PARG: variants seen among roughly 807,000 people sequenced by gnomAD.
PARG encodes the protein poly(ADP-ribose) glycohydrolase, also known as mitochondrial poly(ADP-ribose) glycohydrolase.
A neutral mutation model predicts 113.0 loss-of-function variants in PARG; 35 were observed. The observed-to-expected ratio is 0.31, with a 90% CI of 0.24 to 0.41. The LOEUF is 0.41. Among genes scored for constraint, PARG ranks in the 10% least tolerant of loss-of-function variants. The pLI, the probability that PARG is intolerant of heterozygous loss-of-function variation, is 1.00. For missense variants in PARG, 797 were observed against 1,169.4 expected, an observed-to-expected ratio of 0.68 and a Z score of 4.64; for synonymous variants, 330 against 409.9, an observed-to-expected ratio of 0.81 and a Z score of 2.36.
rs566984646 is a variant in PARG at position 49,823,073 on chromosome 10, AATAAG to A, written c.2648-2785_2648-2781del. Among the ~76,000 whole-genome samples the A allele has an allele frequency of 3.9e-4, 59 of 152,304 alleles. 1 individual carries two copies. Among genetic ancestry groups the A allele is most frequent in the Middle Eastern group, 3.4e-3 (1 of 294 alleles). ...AAATGAGAATATAGATGAAAGAGTA[AATAAG>A]ATATCAGTGTACATTTATGAATTTA... On this transcript the variant is annotated intron_variant, in intron 16 of 17. Coordinates refer to ENST00000616448, the MANE Select transcript of PARG (RefSeq NM_003631.5).
At chr10:49,928,965 A>G (rs1316021811) in intron 4 of PARG, among the ~76,000 whole-genome samples, 1 of 152,254 alleles carries the variant, frequency 6.6e-6, no homozygotes, top group African/African-American at 2.4e-5. Context: ...AACTCTGGGA[A>G]TAAGACTGAC....
intron 1 of PARG, among the ~76,000 whole-genome samples, chr10:49,939,265 C>G (rs1378169277): frequency 2.0e-5 from 3 of 152,184 alleles, no homozygotes; most frequent in South Asian, 2.1e-4. Flanking sequence ...TTAAACACAT[C>G]GCTTACTAGA....
chr10:49,843,629 G>T lies in PARG; in HGVS notation c.2357C>A (p.Thr786Asn). ...DHNECLIITG[T>N]EQYSEYTGYA... ...GCCTGTGTATTCACTGTACTGCTCA[G>T]TACCTGAAACAAACAATCTGTCACT... Residue 786 changes from threonine (T) to asparagine (N), a missense_variant, in exon 14 of 18, where the codon ACT (threonine) becomes AAT (asparagine). Thr to Asn is a moderately conservative substitution (Grantham distance 65). Coordinates refer to ENST00000616448, the MANE Select transcript of PARG (RefSeq NM_003631.5). 6.5e-7 allele frequency: 1 copy of T among 1,546,766 alleles called. No individual in the cohort carries two copies. The highest frequency in any genetic ancestry group is 8.8e-7 in the Non-Finnish European group (1 of 1,142,592).
chr10:49,926,984 A>G (rs1554850706), intron 4 of PARG, among the ~76,000 whole-genome samples: 2 of 152,086 alleles, frequency 1.3e-5, no homozygotes, highest in African/African-American at 4.8e-5. Flanking sequence ...GAGTGTACTC[A>G]GGTTCAGTTT....
intron 7 of PARG, among the ~76,000 whole-genome samples, chr10:49,890,558 T>C (rs1847723610): frequency 6.6e-6 from 1 of 152,130 alleles, no homozygotes; most frequent in African/African-American, 2.4e-5. Context: ...CAAAGCCCTA[T>C]CCTCTCCCTG....
At chr10:49,893,689 C>CT (rs1328865844) in intron 7 of PARG, among the ~76,000 whole-genome samples, 49 of 143,102 alleles carry the variant, frequency 3.4e-4, no homozygotes, top group Admixed American at 3.5e-4. Flanking sequence ...TAATTTTTGA[C>CT]TTTTTTTTTT....
rs532643992 is a variant in PARG at position 49,818,350 on chromosome 10, T to TTA, written c.*988_*989dup. The TTA allele has an allele frequency of 2.0e-5, 3 of 152,698 alleles. No homozygotes were observed. The highest frequency in any genetic ancestry group is 4.1e-4 in the South Asian group (2 of 4,830). 9.5% of individuals were successfully genotyped at this position (152,698 alleles called of 1,614,324 possible). On this transcript the variant is annotated 3_prime_UTR_variant, in exon 18 of 18. Transcript: ENST00000616448. ...ATAGACACACTTAAAGAGCATACGTTTATATATACATATATAAAATATAGA... is the reference window on the plus strand; with the variant it reads ...ATAGACACACTTAAAGAGCATACGTTTATATATATACATATATAAAATATAGA...
chr10:49,885,709 C>A (rs1293182658), intron 7 of PARG, among the ~76,000 whole-genome samples: 39 of 152,256 alleles, frequency 2.6e-4, no homozygotes, highest in Middle Eastern at 6.8e-3. Flanking sequence ...TTTCAATGGT[C>A]TACAATTGAA....
chr10:49,909,188 A>G (rs1236091377), intron 7 of PARG, among the ~76,000 whole-genome samples: 1 of 152,172 alleles, frequency 6.6e-6, no homozygotes, highest in Non-Finnish European at 1.5e-5. Flanking sequence ...ATGCATAAAC[A>G]TACAACTATT....
At chr10:49,834,980 C>G (rs1170938908) in intron 15 of PARG, among the ~76,000 whole-genome samples, 4 of 152,144 alleles carry the variant, frequency 2.6e-5, no homozygotes, top group Admixed American at 2.6e-4. Context: ...AGAAATAAGA[C>G]AGCAGTAGTA....
rs532785892 is a variant in PARG at position 49,892,184 on chromosome 10, C to T, written c.1738-6889G>A. Among the ~76,000 whole-genome samples, 4 of 151,874 alleles carry T rather than the reference C, an allele frequency of 2.6e-5. No individual in the cohort carries two copies. In the South Asian group the frequency reaches 8.3e-4, roughly 32 times the overall value. ...TTGCTCAATTTCGTATTTTTTCTCACCAAATATGACAAAAAAGGCATTTTT... is the reference window on the plus strand; with the variant it reads ...TTGCTCAATTTCGTATTTTTTCTCATCAAATATGACAAAAAAGGCATTTTT... On this transcript the variant is annotated intron_variant, in intron 7 of 17. Transcript: ENST00000616448.
At chr10:49,890,460 AC>A (rs1441620581) in intron 7 of PARG, among the ~76,000 whole-genome samples, 1 of 152,184 alleles carries the variant, frequency 6.6e-6, no homozygotes, top group Non-Finnish European at 1.5e-5. Context: ...TACCTGAGGA[AC>A]TATTATGTGT....
At position 49,866,517 on chromosome 10, in the gene PARG, AAAC is replaced by A. The variant is rs552925031; in HGVS notation, c.2069-1139_2069-1137del. ...ATTTAAAACTCACAAGTAAGTGGTC[AAAC>A]AACTCAAACACTAGTGAAGCAATTC... On this transcript the variant is annotated intron_variant, in intron 10 of 17. Coordinates refer to ENST00000616448, the MANE Select transcript of PARG (RefSeq NM_003631.5). Among the ~76,000 whole-genome samples the A allele has an allele frequency of 1.4e-3, 212 of 151,996 alleles. 1 individual carries two copies. Among genetic ancestry groups the A allele is most frequent in the African/African-American group, 4.8e-3 (200 of 41,448 alleles).
intron 4 of PARG, among the ~76,000 whole-genome samples, 159 bp from the exon 5 acceptor site, chr10:49,922,828 A>G (rs1255610446): frequency 6.6e-6 from 1 of 152,178 alleles, no homozygotes; most frequent in Non-Finnish European, 1.5e-5. Context: ...CCTCACCTCC[A>G]TTCAACCAGG....
intron 8 of PARG, among the ~76,000 whole-genome samples, chr10:49,884,893 AAG>A (rs373312893): frequency 0.067 from 9,639 of 144,834 alleles, 444 homozygotes; most frequent in African/African-American, 0.12. Flanking sequence ...TATTTAAACA[AAG>A]AGAGAAAAAA....
At chr10:49,921,855 T>C (rs1251732018) in intron 6 of PARG, among the ~76,000 whole-genome samples, 2 of 151,926 alleles carry the variant, frequency 1.3e-5, no homozygotes, top group Admixed American at 6.6e-5. Context: ...AAAAATAAAT[T>C]ATTGCCAAAA....
chr10:49,925,118 C>G (rs1319070930), intron 4 of PARG, among the ~76,000 whole-genome samples: 26 of 152,054 alleles, frequency 1.7e-4, no homozygotes, highest in African/African-American at 5.6e-4. Context: ...CAGTTTCATT[C>G]TGAAACCATC....
rs370348454 is a variant in PARG at position 49,885,159 on chromosome 10, T to C, written c.1830+44A>G. ...CCATTCGAGTTTAAGGGAAATTCAA[T>C]TGGCAGTCTCAGGGAAGCTACTGAG... is the stretch of plus-strand genomic sequence containing the variant. On this transcript the variant is annotated intron_variant, in intron 8 of 17. Coordinates refer to ENST00000616448, the MANE Select transcript of PARG (RefSeq NM_003631.5). 2.4e-4 allele frequency: 250 copies of C among 1,039,160 alleles called. 1 individual carries two copies. The highest frequency in any genetic ancestry group is 1.1e-3 in the South Asian group (86 of 79,650). 64.4% of individuals were successfully genotyped at this position (1,039,160 alleles called of 1,614,324 possible). A position where few individuals can be genotyped will look rare whatever the true frequency, so the allele number is the denominator to read the frequency against.
At chr10:49,886,555 T>A (rs1244117139) in intron 7 of PARG, among the ~76,000 whole-genome samples, 1 of 152,138 alleles carries the variant, frequency 6.6e-6, no homozygotes, top group Non-Finnish European at 1.5e-5. Flanking sequence ...CAATTAGTCA[T>A]AAGCATACAG....
Sources: allele counts gnomAD v4.1 joint callset (sites outside exome capture counted in the v4.1 genomes callset), GRCh38; gene constraint gnomAD v4.1.1; transcripts MANE v1.5; gene names NCBI Gene and HGNC (gene_info 2026-07-23, HGNC 2026-07-21).